Variants in PCDHGA7 observed in about 807,000 individuals in gnomAD.
PCDHGA7 encodes protocadherin gamma-A7.
Under a neutral mutation model 58.3 loss-of-function variants are expected in PCDHGA7, and 44 were observed. The observed-to-expected ratio is 0.75, with a 90% confidence interval of 0.59 to 0.97. PCDHGA7 has a LOEUF of 0.97. Ranked by LOEUF, PCDHGA7 falls within the 50% of genes least tolerant of loss-of-function variation. The pLI, the probability that PCDHGA7 is intolerant of heterozygous loss-of-function variation, is 0.00. For missense variants in PCDHGA7, 1,266 were observed against 1,188.7 expected (o/e 1.06, Z -0.96); for synonymous variants, 516 against 504.2 (o/e 1.02, Z -0.31).
chr5:141,421,312 GC>G, intron 1 of PCDHGA7: 1 of 1,613,748 alleles, frequency 6.2e-7, no homozygotes, highest in Non-Finnish European at 8.5e-7. Flanking sequence ...GGGGTTCCGG[GC>G]CAGGCAGATC....
chr5:141,383,406 T>G lies in PCDHGA7; in HGVS notation c.507T>G (p.Ser169Arg), dbSNP rs780989648. 25 of 1,613,866 alleles carry G rather than the reference T, an allele frequency of 1.5e-5. No individual in the cohort carries two copies. In the African/African-American group the frequency reaches 3.2e-4, roughly 21 times the overall value. ...ATGTGGGCACGAACTCCCTCCAGAG[T>G]TACCAGCTCAGCCCCAATCGCCACT... ...DPDVGTNSLQ[S>R]YQLSPNRHFS... The change falls in exon 1 of 4, where the codon AGT (serine) becomes AGG (arginine). Residue 169 changes from serine (S) to arginine (R), a missense_variant. Coordinates refer to ENST00000518325, the MANE Select transcript of PCDHGA7 (RefSeq NM_018920.4).
Position 141,477,568 on chromosome 5 carries a change from C to T in PCDHGA7, c.2425-17239C>T, listed in dbSNP as rs2099413139. The T allele has an allele frequency of 6.2e-7, 1 of 1,614,172 alleles. No individual in the cohort carries two copies. The highest frequency in any genetic ancestry group is 1.7e-4 in the Middle Eastern group (1 of 6,060). On this transcript the variant is annotated intron_variant, in intron 1 of 3. Transcript: ENST00000518325. This position sits in a 1 kb window ranked among gnomAD's most constrained non-coding sequence, Gnocchi z 4.9. ...TACTAAACCTAAGTGTCTGGGACCC[C>T]GACGCCCCGCAGAATGCTCGGCTTT...
In PCDHGA7 at chr5:141,383,779, C is replaced by G. The variant is rs1779468390; in HGVS notation, c.880C>G (p.Leu294Val). 1 of 1,614,002 alleles carries G rather than the reference C, an allele frequency of 6.2e-7. No homozygotes were observed. ...TCCTAAACTTCCAAAGATGTTTCATCTGAACTCGCTTACAGGAGAAATATC... is the reference window on the plus strand; with the variant it reads ...TCCTAAACTTCCAAAGATGTTTCATGTGAACTCGCTTACAGGAGAAATATC... ...ITPKLPKMFHLNSLTGEISTL... is the reference protein window; with the variant it reads ...ITPKLPKMFHVNSLTGEISTL... Residue 294 changes from leucine (L) to valine (V), a missense_variant, in exon 1 of 4, where the codon CTG becomes GTG. Coordinates refer to ENST00000518325, the MANE Select transcript of PCDHGA7 (RefSeq NM_018920.4).
intron 2 of PCDHGA7, among the ~76,000 whole-genome samples, chr5:141,502,866 C>CTTTTTT (rs549047197): frequency 2.0e-4 from 26 of 128,026 alleles, no homozygotes; most frequent in African/African-American, 6.2e-4. Flanking sequence ...GACTCTCTGT[C>CTTTTTT]TTTTTTTTTT....
In PCDHGA7 at chr5:141,491,129, C is replaced by T; in HGVS notation, c.2425-3678C>T. On this transcript the variant is annotated intron_variant, in intron 1 of 3. Transcript: ENST00000518325. This position sits in a 1 kb window ranked among gnomAD's most constrained non-coding sequence, Gnocchi z 6.9. Reference sequence around the variant, plus strand: ...TCTACACACACTGGTGAGGTGCGCACAGCCCGGGCCTTACTGGAGGATGAC... The same window carrying T: ...TCTACACACACTGGTGAGGTGCGCATAGCCCGGGCCTTACTGGAGGATGAC... 1.2e-6 allele frequency: 2 copies of T among 1,614,172 alleles called. No individual in the cohort carries two copies. The highest frequency in any genetic ancestry group is 1.7e-6 in the Non-Finnish European group (2 of 1,180,012).
chr5:141,472,865 A>G (rs1329594490), intron 1 of PCDHGA7, among the ~76,000 whole-genome samples: 3 of 149,558 alleles, frequency 2.0e-5, no homozygotes, highest in Non-Finnish European at 4.5e-5. Flanking sequence ...ACATGCCTGT[A>G]TTCCCAGCTA....
intron 1 of PCDHGA7, chr5:141,393,983 A>T: frequency 1.9e-6 from 3 of 1,613,710 alleles, no homozygotes; most frequent in Non-Finnish European, 2.5e-6. Context: ...GTGATAATTT[A>T]CCTTTTAAAT....
At chr5:141,423,102 C>A (rs778561065) in intron 1 of PCDHGA7, 2 of 1,613,802 alleles carry the variant, frequency 1.2e-6, no homozygotes, top group Non-Finnish European at 1.7e-6. Flanking sequence ...AGCACACGGG[C>A]GAGGTGCGTA....
intron 1 of PCDHGA7, among the ~76,000 whole-genome samples, chr5:141,446,536 GC>G (rs1043723006): frequency 2.0e-5 from 3 of 152,012 alleles, no homozygotes; most frequent in African/African-American, 7.2e-5. Context: ...GAGTGCAGTG[GC>G]CCTATCTCTG....
intron 1 of PCDHGA7, among the ~76,000 whole-genome samples, chr5:141,469,802 CATT>C (rs2099211643): frequency 6.6e-6 from 1 of 152,022 alleles, no homozygotes; most frequent in Admixed American, 6.6e-5. Context: ...ATTGCAAAAA[CATT>C]GTAGATAGAA....
In PCDHGA7 at chr5:141,491,491, G is replaced by C. The variant is rs2099717103; in HGVS notation, c.2425-3316G>C. The C allele has an allele frequency of 1.2e-6, 2 of 1,614,042 alleles. No homozygotes were observed. The highest frequency in any genetic ancestry group is 1.7e-5 in the Admixed American group (1 of 60,016). The stretch of plus-strand genomic sequence containing the variant: ...TAAGCAGTCCAGCCCCAACCTGCAG[G>C]TGAGCTCGGACGGCACGCTCAAGTA... On this transcript the variant is annotated intron_variant, in intron 1 of 3. Transcript: ENST00000518325. The surrounding 1 kb of genome is among the most constrained non-coding windows in gnomAD (Gnocchi z 6.9).
intron 1 of PCDHGA7, chr5:141,441,872 G>T: frequency 2.9e-6 from 1 of 341,646 alleles, no homozygotes. Flanking sequence ...GCGGAGCCTG[G>T]CTACCTGGTC....
Position 141,493,806 on chromosome 5 carries a change from T to C in PCDHGA7, c.2425-1001T>C, listed in dbSNP as rs1339302166. On this transcript the variant is annotated intron_variant, in intron 1 of 3. Coordinates refer to ENST00000518325, the MANE Select transcript of PCDHGA7 (RefSeq NM_018920.4). This position sits in a 1 kb window ranked among gnomAD's most constrained non-coding sequence, Gnocchi z 4.3. ...TCCTTCTCCCTGGAGTAATCTGAGA[T>C]ACTCACACTCTCTGCTTCTGGGAGC... is the stretch of plus-strand genomic sequence containing the variant. Among the ~76,000 whole-genome samples, 1 of 152,162 alleles carries C rather than the reference T, an allele frequency of 6.6e-6. No homozygotes were observed. The highest frequency in any genetic ancestry group is 1.5e-5 in the Non-Finnish European group (1 of 68,038).
Position 141,403,717 on chromosome 5 carries a change from G to A in PCDHGA7, c.2424+18394G>A, listed in dbSNP as rs1561689674. On this transcript the variant is annotated intron_variant, in intron 1 of 3. Transcript: ENST00000518325. Reference sequence around the variant, plus strand: ...ACCGAGTTAAAGTCCTTGAGAACGTGCCCCCAGGCACCTGGCTGCTTACTG... The same window carrying A: ...ACCGAGTTAAAGTCCTTGAGAACGTACCCCCAGGCACCTGGCTGCTTACTG... 3 of 1,613,936 alleles carry A rather than the reference G, an allele frequency of 1.9e-6. No homozygotes were observed. In the South Asian group the frequency reaches 3.3e-5, roughly 18 times the overall value.
Position 141,489,427 on chromosome 5 carries a change from C to A in PCDHGA7, c.2425-5380C>A. ...AAAGATGACAGATCTGTTGAGCCGG[C>A]GGCTGCAATTGGGCTCTGAGGAGAA... On this transcript the variant is annotated intron_variant, in intron 1 of 3. Coordinates refer to ENST00000518325, the MANE Select transcript of PCDHGA7 (RefSeq NM_018920.4). This position sits in a 1 kb window ranked among gnomAD's most constrained non-coding sequence, Gnocchi z 4.5. The A allele has an allele frequency of 6.2e-7, 1 of 1,614,108 alleles. No individual in the cohort carries two copies. The highest frequency in any genetic ancestry group is 1.1e-5 in the South Asian group (1 of 91,086).
intron 2 of PCDHGA7, among the ~76,000 whole-genome samples, chr5:141,500,381 T>G (rs1013284512): frequency 7.2e-5 from 11 of 151,786 alleles, no homozygotes; most frequent in African/African-American, 2.7e-4. Flanking sequence ...GCTAATTATT[T>G]TGTATTTTTA....
chr5:141,419,754 T>C, intron 1 of PCDHGA7: 1 of 1,613,924 alleles, frequency 6.2e-7, no homozygotes. Flanking sequence ...GTGCGTGCTT[T>C]GGGTGACAAG....
chr5:141,403,909 A>G (rs2094466419), intron 1 of PCDHGA7: 1 of 1,613,946 alleles, frequency 6.2e-7, no homozygotes, highest in East Asian at 2.2e-5. Context: ...AAATGGAAAT[A>G]CAAGCTGAAG....
At chr5:141,465,757 T>C (rs2099108578) in intron 1 of PCDHGA7, among the ~76,000 whole-genome samples, 1 of 152,046 alleles carries the variant, frequency 6.6e-6, no homozygotes, top group South Asian at 2.1e-4. Context: ...ACTGGTAAAG[T>C]CATGTTTCAT....
Sources: gnomAD v4.1 joint callset for allele counts (sites outside exome capture counted in the v4.1 genomes callset) on GRCh38, gnomAD v4.1.1 for gene constraint, Gnocchi (gnomAD v3.1) non-coding constraint, MANE v1.5 for transcripts, NCBI Gene and HGNC (gene_info 2026-07-23, HGNC 2026-07-21) for gene names.